Variants in FAM180A observed in about 807,000 individuals in gnomAD.
FAM180A encodes the protein protein FAM180A.
A neutral mutation model predicts 15.3 loss-of-function variants in FAM180A; 14 were observed. The observed-to-expected ratio is 0.92, with a 90% CI of 0.61 to 1.43. FAM180A has a LOEUF of 1.43. Ranked by LOEUF, FAM180A falls within the 40% of genes most tolerant of loss-of-function variation. The pLI is 0.00. For missense variants in FAM180A, 200 were observed against 220.8 expected (o/e 0.91, Z 0.60); for synonymous variants, 90 against 96.8 (o/e 0.93, Z 0.41).
In FAM180A at chr7:135,734,093, T is replaced by C; in HGVS notation, c.404A>G (p.Tyr135Cys). The C allele has an allele frequency of 4.3e-6, 7 of 1,614,190 alleles. No homozygotes were observed. Among genetic ancestry groups the C allele is most frequent in the Non-Finnish European group, 5.9e-6 (7 of 1,180,036 alleles). Reference sequence around the variant, plus strand: ...ATGGCCGTGGGACAGGGCTGTGCGGTAGGCTGTGTAGGCCAGGGTCAGCAC... The same window carrying C: ...ATGGCCGTGGGACAGGGCTGTGCGGCAGGCTGTGTAGGCCAGGGTCAGCAC... ...RTVLTLAYTA[Y>C]RTALSHGHQK... Residue 135 changes from tyrosine (Y) to cysteine (C), a missense_variant, in exon 3 of 4, where the codon TAC becomes TGC. Tyr to Cys is a radical substitution (Grantham distance 194). Transcript: ENST00000338588.
intron 1 of FAM180A, among the ~76,000 whole-genome samples, chr7:135,747,948 C>T (rs1454430716): frequency 6.6e-6 from 1 of 151,862 alleles, no homozygotes; most frequent in Non-Finnish European, 1.5e-5. Flanking sequence ...TTGCTGGGGC[C>T]CCTTCCTTTG....
intron 1 of FAM180A, among the ~76,000 whole-genome samples, chr7:135,741,967 C>A (rs1258163425): frequency 6.6e-6 from 1 of 152,170 alleles, no homozygotes; most frequent in Non-Finnish European, 1.5e-5. Context: ...GTGGGAAGCA[C>A]AGGAATCTTA....
intron 1 of FAM180A, 146 bp from the exon 2 acceptor site, chr7:135,737,345 G>A (rs1796886555): frequency 5.0e-6 from 3 of 605,710 alleles, no homozygotes; most frequent in Non-Finnish European, 8.3e-6. Context: ...CCAGCCCTTT[G>A]GGAGGCCGAG....
chr7:135,741,515 CA>C (rs35800497), intron 1 of FAM180A, among the ~76,000 whole-genome samples: 88,429 of 135,110 alleles, frequency 0.65, 27,802 homozygotes, highest in African/African-American at 0.76. Flanking sequence ...GACTCTGTCT[CA>C]AAAAAAAAAA....
intron 2 of FAM180A, among the ~76,000 whole-genome samples, chr7:135,735,443 T>C (rs1206988794): frequency 3.3e-5 from 5 of 152,216 alleles, no homozygotes; most frequent in African/African-American, 1.2e-4. Context: ...GGGTCTGCCA[T>C]GCACATCCCT....
intron 2 of FAM180A, among the ~76,000 whole-genome samples, chr7:135,734,991 T>A (rs1482353225): frequency 6.6e-6 from 1 of 152,194 alleles, no homozygotes; most frequent in Admixed American, 6.5e-5. Context: ...AACCTCCACC[T>A]CCTGGGTTCA....
chr7:135,732,646 T>G (rs1292227343), intron 3 of FAM180A, among the ~76,000 whole-genome samples: 1 of 148,824 alleles, frequency 6.7e-6, no homozygotes, highest in Non-Finnish European at 1.5e-5. Flanking sequence ...CGAGCCGAGA[T>G]AGTGCCACTG....
At chr7:135,741,465 G>T (rs28753368) in intron 1 of FAM180A, among the ~76,000 whole-genome samples, 2 of 150,490 alleles carry the variant, frequency 1.3e-5, no homozygotes, top group African/African-American at 2.5e-5. Flanking sequence ...GCAGTGAGCC[G>T]AGATCATGCC....
chr7:135,738,773 G>A (rs181921867), intron 1 of FAM180A, among the ~76,000 whole-genome samples: 1 of 152,210 alleles, frequency 6.6e-6, no homozygotes, highest in Non-Finnish European at 1.5e-5. Flanking sequence ...AGCAGGCACT[G>A]TGCAGAAATG....
At chr7:135,737,572 G>GC (rs1796889813) in intron 1 of FAM180A, among the ~76,000 whole-genome samples, 1 of 126,872 alleles carries the variant, frequency 7.9e-6, no homozygotes. Context: ...GGGCAACAGA[G>GC]CGAGACTCCA....
intron 1 of FAM180A, among the ~76,000 whole-genome samples, chr7:135,740,387 G>C (rs1045897899): frequency 6.6e-6 from 1 of 152,218 alleles, no homozygotes. Flanking sequence ...TGTGGAAGAC[G>C]CTGACCCTAG....
rs1309586174 is a variant in FAM180A at position 135,733,778 on chromosome 7, C to G, written c.*197G>C. 1 of 1,382,410 alleles carries G rather than the reference C, an allele frequency of 7.2e-7. No homozygotes were observed. Among genetic ancestry groups the G allele is most frequent in the Non-Finnish European group, 9.3e-7 (1 of 1,073,754 alleles). 85.6% of individuals were successfully genotyped at this position (1,382,410 alleles called of 1,614,324 possible). ...TCCAGCCCTTTCTTCCAGCCCAGGTCACATGATGGCATGAATCAGATGTGT... is the reference window on the plus strand; with the variant it reads ...TCCAGCCCTTTCTTCCAGCCCAGGTGACATGATGGCATGAATCAGATGTGT... On this transcript the variant is annotated 3_prime_UTR_variant, in exon 3 of 4. Coordinates refer to ENST00000338588, the MANE Select transcript of FAM180A (RefSeq NM_205855.4).
chr7:135,737,921 G>A (rs1796895157), intron 1 of FAM180A, among the ~76,000 whole-genome samples: 1 of 152,236 alleles, frequency 6.6e-6, no homozygotes. Context: ...CCCAAAGTCA[G>A]TAAGTGAGTT....
At position 135,737,125 on chromosome 7, in the gene FAM180A, G is replaced by A. The variant is rs148082355; in HGVS notation, c.151C>T (p.Leu51=). 3.7e-5 allele frequency: 59 copies of A among 1,613,400 alleles called. No individual in the cohort carries two copies. The African/African-American group carries it at 7.2e-4, about 20-fold the overall frequency. Residue 51 remains leucine, a synonymous_variant, in exon 2 of 4, where the codon CTG becomes TTG. Transcript: ENST00000338588. The part of the protein sequence containing the change: ...LPLNPVLQTS[L]EEVELLYEFL... ...TCGTAGAGCAGCTCCACCTCCTCCA[G>A]GGAGGTCTGCAGGACTGGGTTCAAT...
At chr7:135,731,736 C>T (rs935117682) in intron 3 of FAM180A, among the ~76,000 whole-genome samples, 1 of 152,170 alleles carries the variant, frequency 6.6e-6, no homozygotes, top group Non-Finnish European at 1.5e-5. Flanking sequence ...GGATGCAAAG[C>T]TGTGTTTTTC....
At chr7:135,732,194 C>A (rs568829820) in intron 3 of FAM180A, among the ~76,000 whole-genome samples, 1 of 152,234 alleles carries the variant, frequency 6.6e-6, no homozygotes, top group Admixed American at 6.5e-5. Flanking sequence ...GCTCTAATAG[C>A]CTGACAGTGA....
rs199556869 is a variant in FAM180A, at chr7:135,748,630, A to C, written c.-50T>G. 2 of 1,412,690 alleles carry C rather than the reference A, an allele frequency of 1.4e-6. No individual in the cohort carries two copies. The highest frequency in any genetic ancestry group is 2.3e-5 in the East Asian group (1 of 43,854). The allele number at this position is 1,412,690 out of a possible 1,614,324, so 87.5% of individuals were successfully genotyped here. ...CGACCCTCAAGCCCAGTGGAACCCC[A>C]GTAGCTGCAGGTATGCCCGTGCCGT... On this transcript the variant is annotated 5_prime_UTR_variant, in exon 1 of 4. Transcript: ENST00000338588.
In FAM180A at chr7:135,748,649, G is replaced by A. The variant is rs898208085; in HGVS notation, c.-69C>T. The A allele has an allele frequency of 3.5e-5, 42 of 1,214,964 alleles. No individual in the cohort carries two copies. Among genetic ancestry groups the A allele is most frequent in the Admixed American group, 3.2e-4 (19 of 58,742 alleles). The allele number at this position is 1,214,964 out of a possible 1,614,324, so 75.3% of individuals were successfully genotyped here. A position where few individuals can be genotyped will look rare whatever the true frequency, so the allele number is the denominator to read the frequency against. ...AACCCCAGTAGCTGCAGGTATGCCC[G>A]TGCCGTTCTTCCCAGTGAGATGATG... On this transcript the variant is annotated 5_prime_UTR_variant, in exon 1 of 4. It adds an upstream start codon to the 5' untranslated region. Coordinates refer to ENST00000338588, the MANE Select transcript of FAM180A (RefSeq NM_205855.4).
intron 1 of FAM180A, among the ~76,000 whole-genome samples, chr7:135,742,762 A>G (rs1796970167): frequency 6.6e-6 from 1 of 152,202 alleles, no homozygotes; most frequent in Non-Finnish European, 1.5e-5. Context: ...AGATATAATA[A>G]TGTAAGAGCT....
Sources: allele counts gnomAD v4.1 joint callset (sites outside exome capture counted in the v4.1 genomes callset), GRCh38; gene constraint gnomAD v4.1.1; transcripts MANE v1.5; gene names NCBI Gene and HGNC (gene_info 2026-07-23, HGNC 2026-07-21).